Variants in BABAM2 observed in about 807,000 individuals in gnomAD.
The protein encoded by BABAM2 is BRISC and BRCA1 A complex member 2, also known as BRISC and BRCA1-A complex member 2.
In BABAM2, 31 loss-of-function variants were observed where a neutral mutation model predicts 54.7. That is an observed-to-expected ratio of 0.57 (90% CI 0.43 to 0.77). BABAM2 has a LOEUF of 0.77. Ranked by LOEUF, BABAM2 falls within the 30% of genes least tolerant of loss-of-function variation. The pLI, the probability that BABAM2 is intolerant of heterozygous loss-of-function variation, is 0.00. For missense variants in BABAM2, 364 were observed against 455.8 expected (o/e 0.80, Z 1.83); for synonymous variants, 167 against 162.9 (o/e 1.03, Z -0.19).
At chr2:27,936,311 AG>A (rs1668483047) in intron 3 of BABAM2, among the ~76,000 whole-genome samples, 1 of 152,202 alleles carries the variant, frequency 6.6e-6, no homozygotes. Context: ...GGTGCTGGAG[AG>A]GATGTGGAGA....
At chr2:28,099,579 T>A (rs1666901288) in intron 6 of BABAM2, among the ~76,000 whole-genome samples, 2 of 152,354 alleles carry the variant, frequency 1.3e-5, no homozygotes, top group East Asian at 3.9e-4. Flanking sequence ...GTGATCTTTT[T>A]TTCTATTTAC....
rs191924388 is a variant in BABAM2, at chr2:28,307,099, C to T, written c.1088+8608C>T. On this transcript the variant is annotated intron_variant, in intron 11 of 11. Coordinates refer to ENST00000379624, the MANE Select transcript of BABAM2 (RefSeq NM_199191.3). The stretch of plus-strand genomic sequence containing the variant: ...TCGGCTCACTGCAACCTCTGCCTCC[C>T]GGGTTCAAGTGATTCTCCTGCCTCA... 4.3e-3 allele frequency among the ~76,000 whole-genome samples: 626 copies of T among 144,346 alleles called. 7 individuals carry two copies. The highest frequency in any genetic ancestry group is 0.015 in the African/African-American group (597 of 38,968). The allele number at this position is 144,346 out of a possible 152,430, so 94.7% of individuals were successfully genotyped here.
intron 7 of BABAM2, among the ~76,000 whole-genome samples, chr2:28,196,362 A>G (rs1358528215): frequency 6.6e-6 from 1 of 151,826 alleles, no homozygotes; most frequent in Non-Finnish European, 1.5e-5. Flanking sequence ...AAGCATTAAC[A>G]TATGTGTGTA....
chr2:27,929,594 A>T (rs1667950734), intron 2 of BABAM2, among the ~76,000 whole-genome samples: 1 of 152,210 alleles, frequency 6.6e-6, no homozygotes, highest in African/African-American at 2.4e-5. Context: ...CACACTGTTG[A>T]TGTTTGTCGT....
chr2:28,312,478 C>T (rs1283120383), intron 11 of BABAM2, among the ~76,000 whole-genome samples: 1 of 152,226 alleles, frequency 6.6e-6, no homozygotes, highest in Non-Finnish European at 1.5e-5. Flanking sequence ...TGGTCTGTCA[C>T]TCCTTGAGAT....
At position 28,257,291 on chromosome 2, in the gene BABAM2, A is replaced by G. The variant is rs551018446; in HGVS notation, c.934+12429A>G. On this transcript the variant is annotated intron_variant, in intron 10 of 11. Coordinates refer to ENST00000379624, the MANE Select transcript of BABAM2 (RefSeq NM_199191.3). ...ATACAGGCATAGATCTAGCCCCACC[A>G]TCAAGACAAACAACATTTTCTATTA... Among the ~76,000 whole-genome samples, 79 of 152,282 alleles carry G rather than the reference A, an allele frequency of 5.2e-4. 1 individual carries two copies. The highest frequency in any genetic ancestry group is 1.7e-3 in the African/African-American group (71 of 41,568).
chr2:28,026,759 ATCT>A (rs1675699983), intron 5 of BABAM2, among the ~76,000 whole-genome samples: 2 of 39,350 alleles, frequency 5.1e-5, no homozygotes, highest in Non-Finnish European at 1.3e-4. Flanking sequence ...ATAAATATAT[ATCT>A]ATATAAATAT....
intron 10 of BABAM2, among the ~76,000 whole-genome samples, chr2:28,271,165 G>A (rs1225541262): frequency 6.6e-6 from 1 of 152,212 alleles, no homozygotes; most frequent in Non-Finnish European, 1.5e-5. Context: ...GAGATAAAAG[G>A]AGGCAGCTGC....
chr2:27,948,402 C>T (rs528327632), intron 3 of BABAM2, among the ~76,000 whole-genome samples: 18 of 152,100 alleles, frequency 1.2e-4, no homozygotes, highest in Non-Finnish European at 2.2e-4. Flanking sequence ...TTTAGTCCTT[C>T]CTGTCTAATC....
In BABAM2 at chr2:27,931,783, C is replaced by T. The variant is rs77979523; in HGVS notation, c.205+1875C>T. On this transcript the variant is annotated intron_variant, in intron 3 of 11. Coordinates refer to ENST00000379624, the MANE Select transcript of BABAM2 (RefSeq NM_199191.3). ...TAGGGTAGTATATTCTTTAGTTTTA[C>T]ATTAACCATAGATACTGTGTCTTTT... Among the ~76,000 whole-genome samples, 531 of 152,266 alleles carry T rather than the reference C, an allele frequency of 3.5e-3. 1 individual carries two copies. Among genetic ancestry groups the T allele is most frequent in the African/African-American group, 0.012 (507 of 41,542 alleles).
At chr2:27,918,829 C>T (rs568097527) in intron 2 of BABAM2, among the ~76,000 whole-genome samples, 2 of 152,242 alleles carry the variant, frequency 1.3e-5, no homozygotes, top group South Asian at 4.2e-4. Context: ...GCTGGTACTA[C>T]AGGCACATGC....
intron 2 of BABAM2, among the ~76,000 whole-genome samples, chr2:27,915,731 T>C (rs931032823): frequency 6.6e-6 from 1 of 152,218 alleles, no homozygotes; most frequent in Admixed American, 6.5e-5. Flanking sequence ...GGGAATCCTT[T>C]AATGACACTT....
In BABAM2 at chr2:28,250,155, T is replaced by A. The variant is rs965327984; in HGVS notation, c.934+5293T>A. 2.0e-5 allele frequency among the ~76,000 whole-genome samples: 3 copies of A among 151,672 alleles called. No homozygotes were observed. In the South Asian group the frequency reaches 6.2e-4, roughly 31 times the overall value. On this transcript the variant is annotated intron_variant, in intron 10 of 11. Transcript: ENST00000379624. The stretch of plus-strand genomic sequence containing the variant: ...TATAGGGAAGACCTCCTATAGAGGG[T>A]GACATTTCCGCTGAGACCTTAGCAG...
intron 10 of BABAM2, among the ~76,000 whole-genome samples, chr2:28,252,916 C>G (rs866002005): frequency 6.6e-6 from 1 of 152,200 alleles, no homozygotes; most frequent in South Asian, 2.1e-4. Flanking sequence ...AACTGTAACT[C>G]AAGAAGTCAT....
intron 4 of BABAM2, among the ~76,000 whole-genome samples, chr2:27,999,756 G>A (rs917904431): frequency 6.6e-5 from 10 of 152,112 alleles, no homozygotes; most frequent in Admixed American, 2.6e-4. Context: ...AAATAGTTAC[G>A]AACTTCATGT....
At chr2:28,286,519 C>T (rs551272756) in intron 10 of BABAM2, among the ~76,000 whole-genome samples, 1 of 152,324 alleles carries the variant, frequency 6.6e-6, no homozygotes, top group East Asian at 1.9e-4. Flanking sequence ...CCCAGATCCC[C>T]CGCATTCCCT....
At chr2:28,137,243 C>T (rs1353841290) in intron 7 of BABAM2, among the ~76,000 whole-genome samples, 1 of 152,118 alleles carries the variant, frequency 6.6e-6, no homozygotes, top group African/African-American at 2.4e-5. Flanking sequence ...CTCATGTTTT[C>T]TCGAGTCACT....
intron 7 of BABAM2, among the ~76,000 whole-genome samples, chr2:28,137,282 C>T (rs1670635427): frequency 6.6e-6 from 1 of 152,082 alleles, no homozygotes; most frequent in South Asian, 2.1e-4. Flanking sequence ...ATATTGTGCT[C>T]CTGGAGAGTT....
At chr2:28,130,279 G>T (rs1669910680) in intron 7 of BABAM2, among the ~76,000 whole-genome samples, 1 of 152,080 alleles carries the variant, frequency 6.6e-6, no homozygotes, top group African/African-American at 2.4e-5. Context: ...TCCGACCTTA[G>T]TTGCTCTAAT....
Sources: gnomAD v4.1 joint callset for allele counts (sites outside exome capture counted in the v4.1 genomes callset) on GRCh38, gnomAD v4.1.1 for gene constraint, MANE v1.5 for transcripts, NCBI Gene and HGNC (gene_info 2026-07-23, HGNC 2026-07-21) for gene names.